The following NR1H4 variants were observed in gnomAD, a reference collection of about 807,000 sequenced individuals.
The protein encoded by NR1H4 is nuclear receptor subfamily 1 group H member 4.
Under a neutral mutation model 58.5 loss-of-function variants are expected in NR1H4, and 23 were observed. That is an observed-to-expected ratio of 0.39 (90% CI 0.28 to 0.56). The LOEUF is 0.56. Among genes scored for constraint, NR1H4 ranks in the 20% least tolerant of loss-of-function variants. The pLI, the probability that NR1H4 is intolerant of heterozygous loss-of-function variation, is 0.58. For synonymous variants in NR1H4, 214 were observed against 198.0 expected (o/e 1.08, Z -0.68); for missense variants, 487 against 576.9 (o/e 0.84, Z 1.60).
Position 100,511,049 on chromosome 12 carries a change from A to G in NR1H4, c.351A>G (p.Ser117=). The change falls in exon 4 of 11, where the codon TCA becomes TCG. Residue 117 remains serine, a synonymous_variant. Transcript: ENST00000392986. ...PVTKKPRMGA[S]AGRIKGDELC... ...CAAAGAAGCCCCGCATGGGCGCGTCAGCAGGGAGGATCAAAGGGGATGAGC... is the reference window on the plus strand; with the variant it reads ...CAAAGAAGCCCCGCATGGGCGCGTCGGCAGGGAGGATCAAAGGGGATGAGC... 1 of 1,614,272 alleles carries G rather than the reference A, an allele frequency of 6.2e-7. No individual in the cohort carries two copies. The highest frequency in any genetic ancestry group is 8.5e-7 in the Non-Finnish European group (1 of 1,180,042).
chr12:100,558,899 G>A (rs945764495), intron 9 of NR1H4, among the ~76,000 whole-genome samples: 3 of 152,176 alleles, frequency 2.0e-5, no homozygotes, highest in African/African-American at 7.2e-5. Context: ...TCTCTCAGCC[G>A]AGTGCCTTTG....
At chr12:100,515,755 G>A (rs1299261263) in intron 4 of NR1H4, among the ~76,000 whole-genome samples, 3 of 152,200 alleles carry the variant, frequency 2.0e-5, no homozygotes, top group Non-Finnish European at 1.5e-5. Flanking sequence ...TAATGGCAAT[G>A]TGAGTGTTTT....
intron 1 of NR1H4, among the ~76,000 whole-genome samples, chr12:100,488,587 C>T (rs922474217): frequency 4.6e-5 from 7 of 152,142 alleles, no homozygotes; most frequent in Non-Finnish European, 1.0e-4. Context: ...AACAGACTCT[C>T]ACGTGTAGAC....
rs191939757 is a variant in NR1H4, at chr12:100,532,477, T to G, written c.465T>G (p.Ile155Met). 6.2e-7 allele frequency: 1 copy of G among 1,614,120 alleles called. No homozygotes were observed. The highest frequency in any genetic ancestry group is 1.7e-5 in the Admixed American group (1 of 60,018). The change falls in exon 5 of 11, where the codon ATT (isoleucine) becomes ATG (methionine). Residue 155 changes from isoleucine to methionine, a missense_variant. Transcript: ENST00000392986. ...CCACAGGTTTCTTCAGGAGAAGCAT[T>G]ACCAAAAACGCTGTGTACAAGTGTA... is the stretch of plus-strand genomic sequence containing the variant. ...EGCKGFFRRS[I>M]TKNAVYKCKN...
At chr12:100,482,676 C>T (rs997065466) in intron 1 of NR1H4, among the ~76,000 whole-genome samples, 1 of 152,180 alleles carries the variant, frequency 6.6e-6, no homozygotes, top group Non-Finnish European at 1.5e-5. Context: ...TGAACGTCTC[C>T]TGGAGTTTGT....
chr12:100,556,571 A>G (rs1955333948), intron 9 of NR1H4, among the ~76,000 whole-genome samples: 1 of 152,108 alleles, frequency 6.6e-6, no homozygotes, highest in Admixed American at 6.5e-5. Context: ...AAATGTTTGT[A>G]GCTAAGATTT....
intron 9 of NR1H4, 22 bp downstream of exon 9, chr12:100,540,840 A>G: frequency 1.9e-6 from 3 of 1,613,544 alleles, no homozygotes; most frequent in Non-Finnish European, 1.7e-6. Context: ...GGCTAATGGT[A>G]AAAGAGTTTG....
intron 3 of NR1H4, chr12:100,505,519 A>G (rs1282194824): frequency 2.9e-6 from 2 of 689,736 alleles, no homozygotes; most frequent in East Asian, 5.4e-5. Flanking sequence ...ACTCCTTTAG[A>G]GAAGGTGTTG....
intron 4 of NR1H4, 123 bp downstream of exon 4, chr12:100,511,266 C>A: frequency 8.7e-7 from 1 of 1,148,642 alleles, no homozygotes. Context: ...GTGCGCCTAC[C>A]TCCTCCTACA....
intron 3 of NR1H4, among the ~76,000 whole-genome samples, chr12:100,506,594 C>T (rs1953971517): frequency 6.6e-6 from 1 of 152,134 alleles, no homozygotes; most frequent in Admixed American, 6.5e-5. Flanking sequence ...CTGCAGGCTC[C>T]ACCTCCCAGG....
At chr12:100,511,207 TG>T in intron 4 of NR1H4, 64 bp downstream of exon 4, 2 of 1,605,574 alleles carry the variant, frequency 1.2e-6, no homozygotes, top group Non-Finnish European at 1.7e-6. Flanking sequence ...TGAAATCCCT[TG>T]AACTAATTGC....
intron 4 of NR1H4, among the ~76,000 whole-genome samples, chr12:100,524,415 G>A (rs1954504494): frequency 6.6e-6 from 1 of 152,158 alleles, no homozygotes; most frequent in African/African-American, 2.4e-5. Flanking sequence ...GGGACCAGGT[G>A]CCGGTCACTG....
intron 4 of NR1H4, among the ~76,000 whole-genome samples, chr12:100,516,207 A>G (rs1954261429): frequency 6.6e-6 from 1 of 152,170 alleles, no homozygotes; most frequent in South Asian, 2.1e-4. Flanking sequence ...TAGACTTGAA[A>G]CCTGGACTGG....
chr12:100,525,312 C>G (rs540378948), intron 4 of NR1H4: 1 of 152,190 alleles, frequency 6.6e-6, no homozygotes, highest in African/African-American at 2.4e-5. Flanking sequence ...GGTTGATGGT[C>G]GTGATGAGCC....
chr12:100,547,492 A>G (rs1955098429), intron 9 of NR1H4, among the ~76,000 whole-genome samples: 1 of 152,112 alleles, frequency 6.6e-6, no homozygotes, highest in African/African-American at 2.4e-5. Context: ...GCACAACTTC[A>G]CAGAGTTCCC....
intron 5 of NR1H4, among the ~76,000 whole-genome samples, chr12:100,532,842 A>C (rs1010459624): frequency 6.6e-6 from 1 of 152,224 alleles, no homozygotes; most frequent in African/African-American, 2.4e-5. Context: ...GCAGTGAACT[A>C]TACATGGAGC....
rs939190046 is a variant in NR1H4, at chr12:100,563,929, T to C, written c.*440T>C. 2.4e-5 allele frequency: 4 copies of C among 167,172 alleles called. No homozygotes were observed. The highest frequency in any genetic ancestry group is 9.6e-5 in the African/African-American group (4 of 41,606). The allele number at this position is 167,172 out of a possible 1,614,324, so 10.4% of individuals were successfully genotyped here. On this transcript the variant is annotated 3_prime_UTR_variant, in exon 11 of 11. Transcript: ENST00000392986. Reference sequence around the variant, plus strand: ...TCATTTCTTTAAATGTTGAAAGACATCCTATTGAATCTGAGGGGGTAATTT... The same window carrying C: ...TCATTTCTTTAAATGTTGAAAGACACCCTATTGAATCTGAGGGGGTAATTT...
chr12:100,477,330 G>A (rs1953292301), intron 1 of NR1H4, among the ~76,000 whole-genome samples: 1 of 151,770 alleles, frequency 6.6e-6, no homozygotes, highest in Non-Finnish European at 1.5e-5. Flanking sequence ...ACAGGGTTCT[G>A]GTGATTAAAA....
At chr12:100,480,822 T>C (rs1953364017) in intron 1 of NR1H4, among the ~76,000 whole-genome samples, 1 of 152,228 alleles carries the variant, frequency 6.6e-6, no homozygotes, top group South Asian at 2.1e-4. Context: ...TTCACTCATG[T>C]TGCTCATTCA....
Sources: allele counts gnomAD v4.1 joint callset (sites outside exome capture counted in the v4.1 genomes callset), GRCh38; gene constraint gnomAD v4.1.1; transcripts MANE v1.5; gene names NCBI Gene and HGNC (gene_info 2026-07-23, HGNC 2026-07-21).